Variants in EXT2 observed in about 807,000 individuals in gnomAD.
EXT2 encodes exostosin-2.
In EXT2, 53 loss-of-function variants were observed where a neutral mutation model predicts 81.6. The observed-to-expected ratio is 0.65, with a 90% CI of 0.52 to 0.82. The LOEUF (loss-of-function observed/expected upper bound fraction) is 0.82. Ranked by LOEUF, EXT2 falls within the 40% of genes least tolerant of loss-of-function variation. EXT2 has a pLI of 0.00. For missense variants in EXT2, 774 were observed against 910.2 expected, an observed-to-expected ratio of 0.85 and a Z score of 1.93; for synonymous variants, 320 against 340.0, an observed-to-expected ratio of 0.94 and a Z score of 0.65.
At chr11:44,134,207 A>G (rs1420604158) in intron 7 of EXT2, among the ~76,000 whole-genome samples, 1 of 152,202 alleles carries the variant, frequency 6.6e-6, no homozygotes, top group Non-Finnish European at 1.5e-5. Context: ...TATAAAGCTG[A>G]CTTCTCAGTT....
chr11:44,127,439 T>C (rs905124877), intron 6 of EXT2, among the ~76,000 whole-genome samples: 3 of 152,160 alleles, frequency 2.0e-5, no homozygotes, highest in African/African-American at 7.2e-5. Context: ...CATAGAAGCG[T>C]GGACCCTACT....
chr11:44,103,657 C>T, intron 1 of EXT2: 1 of 445,146 alleles, frequency 2.2e-6, no homozygotes, highest in African/African-American at 2.1e-5. Context: ...CTGGAATTTT[C>T]TTTATAGGAA....
intron 1 of EXT2, among the ~76,000 whole-genome samples, chr11:44,101,460 C>A: frequency 6.6e-6 from 1 of 152,124 alleles, no homozygotes; most frequent in East Asian, 1.9e-4. Flanking sequence ...AATAGCTCCC[C>A]ACAAAAAAGA....
chr11:44,129,978 G>C (rs536949866), intron 6 of EXT2, 67 bp from the exon 7 acceptor site: 1 of 1,213,516 alleles, frequency 8.2e-7, no homozygotes, highest in East Asian at 2.3e-5. Context: ...AATGAAACAA[G>C]ACTGTGTGTA....
At chr11:44,189,057 T>G (rs1338505224) in intron 8 of EXT2, among the ~76,000 whole-genome samples, 1 of 152,200 alleles carries the variant, frequency 6.6e-6, no homozygotes, top group Admixed American at 6.5e-5. Flanking sequence ...AAAAAGAGAA[T>G]AGCAGTAGAC....
intron 7 of EXT2, among the ~76,000 whole-genome samples, chr11:44,151,964 T>C (rs186204191): frequency 1.8e-4 from 28 of 152,352 alleles, no homozygotes; most frequent in Admixed American, 7.8e-4. Flanking sequence ...TCCTTAATGA[T>C]ATGTGATATT....
chr11:44,236,896 G>A (rs1955972270), intron 13 of EXT2, among the ~76,000 whole-genome samples: 1 of 152,204 alleles, frequency 6.6e-6, no homozygotes. Flanking sequence ...TTCGATTCAA[G>A]TCAGTTTCTC....
intron 13 of EXT2, among the ~76,000 whole-genome samples, chr11:44,243,564 T>C (rs1467738990): frequency 6.6e-6 from 1 of 151,466 alleles, no homozygotes; most frequent in Non-Finnish European, 1.5e-5. Context: ...AGGCCCTCTG[T>C]CAATGTTGGT....
In EXT2 at chr11:44,119,124, T is replaced by TCATATATATA. The variant is rs1555004227; in HGVS notation, c.743+4823_743+4824insCATATATATA. On this transcript the variant is annotated intron_variant, in intron 4 of 13. Coordinates refer to ENST00000533608, the MANE Select transcript of EXT2 (RefSeq NM_207122.2). Reference sequence around the variant, plus strand: ...TGTCCCCCAGGGGACATTTGGCTATTTATATATATATATATATATATATAT... The same window carrying TCATATATATA: ...TGTCCCCCAGGGGACATTTGGCTATTCATATATATATATATATATATATATATATATATAT... Among the ~76,000 whole-genome samples the TCATATATATA allele has an allele frequency of 2.6e-3, 66 of 25,646 alleles. 1 individual carries two copies. Among genetic ancestry groups the TCATATATATA allele is most frequent in the African/African-American group, 4.5e-3 (59 of 13,160 alleles). The allele number at this position is 25,646 out of a possible 152,430, so 16.8% of individuals were successfully genotyped here.
chr11:44,141,903 G>A (rs1954651232), intron 7 of EXT2, among the ~76,000 whole-genome samples: 1 of 152,206 alleles, frequency 6.6e-6, no homozygotes, highest in South Asian at 2.1e-4. Context: ...ATTACAGGAA[G>A]CGAAGTGCAG....
intron 4 of EXT2, among the ~76,000 whole-genome samples, chr11:44,119,159 T>TACAC (rs1565201246): frequency 1.4e-4 from 6 of 44,386 alleles, no homozygotes; most frequent in Admixed American, 2.3e-4. Flanking sequence ...TATATATATA[T>TACAC]ATATATATAT....
At chr11:44,157,921 C>G (rs1008410731) in intron 7 of EXT2, among the ~76,000 whole-genome samples, 1 of 152,188 alleles carries the variant, frequency 6.6e-6, no homozygotes, top group African/African-American at 2.4e-5. Context: ...GGGCCCAGTG[C>G]TCTTAAGGCA....
intron 1 of EXT2, chr11:44,096,404 T>C: frequency 1.5e-6 from 2 of 1,344,574 alleles, no homozygotes; most frequent in East Asian, 5.2e-5. Flanking sequence ...GACCGGGAAC[T>C]AGATGGCCGG....
At chr11:44,116,415 A>G (rs1954221356) in intron 4 of EXT2, 1 of 152,194 alleles carries the variant, frequency 6.6e-6, no homozygotes, top group Non-Finnish European at 1.5e-5. Context: ...TCTCTTCATC[A>G]GTTGATGGAA....
chr11:44,122,134 C>T (rs1954327344), intron 4 of EXT2, among the ~76,000 whole-genome samples: 5 of 152,070 alleles, frequency 3.3e-5, no homozygotes, highest in Admixed American at 3.3e-4. Flanking sequence ...AGAAAGGCTC[C>T]AGAAACATCC....
At chr11:44,190,232 T>C (rs2135168439) in intron 8 of EXT2, among the ~76,000 whole-genome samples, 1 of 152,332 alleles carries the variant, frequency 6.6e-6, no homozygotes, top group South Asian at 2.1e-4. Flanking sequence ...ATGAAATACT[T>C]TTCAAAGTCT....
intron 3 of EXT2, 105 bp from the exon 4 acceptor site, chr11:44,114,080 G>C: frequency 3.9e-6 from 4 of 1,015,912 alleles, no homozygotes; most frequent in Non-Finnish European, 6.2e-6. Flanking sequence ...GTAAACGTTA[G>C]CTGGTTTTGA....
chr11:44,228,012 A>T (rs1590663112), intron 10 of EXT2, among the ~76,000 whole-genome samples: 1 of 152,324 alleles, frequency 6.6e-6, no homozygotes, highest in East Asian at 1.9e-4. Context: ...ATGGAAAGAA[A>T]CAGTTGGAGG....
intron 1 of EXT2, among the ~76,000 whole-genome samples, chr11:44,105,148 C>CT (rs1954036876): frequency 6.6e-6 from 1 of 152,160 alleles, no homozygotes; most frequent in Non-Finnish European, 1.5e-5. Flanking sequence ...CATGTGGGCA[C>CT]TGATGGGGAG....
Sources: gnomAD v4.1 joint callset for allele counts (sites outside exome capture counted in the v4.1 genomes callset) on GRCh38, gnomAD v4.1.1 for gene constraint, MANE v1.5 for transcripts, NCBI Gene and HGNC (gene_info 2026-07-23, HGNC 2026-07-21) for gene names.